Variants in PTPRN2 observed in about 807,000 individuals in gnomAD.
PTPRN2 encodes receptor-type tyrosine-protein phosphatase N2.
In PTPRN2, 74 loss-of-function variants were observed where a neutral mutation model predicts 118.8. The ratio of observed to expected loss-of-function variants is 0.62; its 90% confidence interval spans 0.52 to 0.76. The LOEUF is 0.76. Among genes scored for constraint, PTPRN2 ranks in the 30% least tolerant of loss-of-function variants. The pLI, the probability that PTPRN2 is intolerant of heterozygous loss-of-function variation, is 0.00. For missense variants in PTPRN2, 1,481 were observed against 1,394.4 expected (o/e 1.06, Z -0.99); for synonymous variants, 641 against 608.0 (o/e 1.05, Z -0.80).
intron 3 of PTPRN2, among the ~76,000 whole-genome samples, chr7:158,301,165 G>C (rs985373597): frequency 6.6e-5 from 10 of 152,160 alleles, no homozygotes; most frequent in Non-Finnish European, 2.9e-5. Context: ...ACTATAACTA[G>C]TTCCTTTAGG....
chr7:158,029,029 C>G (rs1251964834), intron 11 of PTPRN2: 2 of 152,304 alleles, frequency 1.3e-5, no homozygotes, highest in African/African-American at 4.8e-5. Context: ...CTATTTTGCT[C>G]CAGTCACCTG....
intron 22 of PTPRN2, among the ~76,000 whole-genome samples, chr7:157,546,883 G>T (rs767742976): frequency 3.9e-5 from 6 of 152,216 alleles, no homozygotes; most frequent in Admixed American, 3.9e-4. Flanking sequence ...TTGTTCTGGC[G>T]AACAGGATAC....
Position 157,729,823 on chromosome 7 carries a change from G to T in PTPRN2, c.1789-46886C>A, listed in dbSNP as rs1039483586. On this transcript the variant is annotated intron_variant, in intron 12 of 22. Coordinates refer to ENST00000389418, the MANE Select transcript of PTPRN2 (RefSeq NM_002847.5). This position sits in a 1 kb window ranked among gnomAD's most constrained non-coding sequence, Gnocchi z 4.3. ...ACCTGCTGGCCACGTGGAGGACGGGGAGCGGCAGGCGGATGAGGGAAGGAC... is the reference window on the plus strand; with the variant it reads ...ACCTGCTGGCCACGTGGAGGACGGGTAGCGGCAGGCGGATGAGGGAAGGAC... Among the ~76,000 whole-genome samples, 1 of 152,204 alleles carries T rather than the reference G, an allele frequency of 6.6e-6. No individual in the cohort carries two copies. Among genetic ancestry groups the T allele is most frequent in the African/African-American group, 2.4e-5 (1 of 41,446 alleles).
intron 21 of PTPRN2, among the ~76,000 whole-genome samples, chr7:157,558,100 T>TTTTGTTTTTTTTTTTTTTTTTTTTTGAG (rs1554491534): frequency 6.7e-6 from 1 of 149,838 alleles, no homozygotes; most frequent in African/African-American, 2.5e-5. Context: ...GGGGGATTGT[T>TTTTGTTTTTTTTTTTTTTTTTTTTTGAG]AAAAGGGAAA....
At chr7:158,387,971 C>T (rs1421905243) in intron 2 of PTPRN2, among the ~76,000 whole-genome samples, 3 of 152,174 alleles carry the variant, frequency 2.0e-5, no homozygotes, top group African/African-American at 7.2e-5. Flanking sequence ...TATTTACACA[C>T]ACATATATCT....
chr7:157,795,977 G>A (rs375016491), intron 12 of PTPRN2, among the ~76,000 whole-genome samples: 65 of 152,232 alleles, frequency 4.3e-4, no homozygotes, highest in African/African-American at 1.6e-3. Context: ...GCGCCGAGGC[G>A]AACTTGGGAG....
intron 12 of PTPRN2, among the ~76,000 whole-genome samples, chr7:157,798,030 G>C (rs1261554986): frequency 6.6e-6 from 1 of 152,124 alleles, no homozygotes; most frequent in Non-Finnish European, 1.5e-5. Flanking sequence ...AGGCTGAGGC[G>C]GGTGGATCAC....
intron 1 of PTPRN2, among the ~76,000 whole-genome samples, chr7:158,587,272 TGAGGCGTCCCTCCCCCAGAACCTCTCA>T (rs535583860): frequency 0.19 from 15,051 of 80,006 alleles, 1,470 homozygotes; most frequent in East Asian, 0.38. Flanking sequence ...TCTCATTCAT[TGAGGCGTCCCTCCCCCAGAACCTCTCA>T]GAGGCGCCCC....
intron 1 of PTPRN2, among the ~76,000 whole-genome samples, chr7:158,522,796 T>C (rs1271268907): frequency 6.6e-6 from 1 of 152,164 alleles, no homozygotes; most frequent in East Asian, 1.9e-4. Flanking sequence ...GCTTTCCTTG[T>C]CTTGAGAGCA....
At chr7:158,387,736 G>C (rs559652798) in intron 2 of PTPRN2, among the ~76,000 whole-genome samples, 2 of 152,296 alleles carry the variant, frequency 1.3e-5, no homozygotes, top group South Asian at 2.1e-4. Flanking sequence ...CCAGGGCGAA[G>C]TTTCCTGAAG....
At chr7:158,083,940 G>GGCTCTTCGCTAAAACCCATAGTGGCT (rs71189765) in intron 10 of PTPRN2, among the ~76,000 whole-genome samples, 3 of 151,696 alleles carry the variant, frequency 2.0e-5, no homozygotes, top group Non-Finnish European at 4.4e-5. Context: ...AATATGTGCA[G>GGCTCTTCGCTAAAACCCATAGTGGCT]GCTCTGACGT....
At chr7:157,842,410 C>CATTTT (rs1808491584) in intron 12 of PTPRN2, among the ~76,000 whole-genome samples, 1 of 93,236 alleles carries the variant, frequency 1.1e-5, no homozygotes, top group African/African-American at 3.9e-5. Context: ...ATTCAGGAGA[C>CATTTT]TTTTTTTTTT....
At chr7:158,273,232 C>T (rs867555707) in intron 3 of PTPRN2, among the ~76,000 whole-genome samples, 4 of 152,194 alleles carry the variant, frequency 2.6e-5, no homozygotes, top group African/African-American at 7.2e-5. Context: ...CAGGGCCCTG[C>T]GTGTGCTGTT....
In PTPRN2 at chr7:158,192,439, G is replaced by A. The variant is rs764112299; in HGVS notation, c.437C>T (p.Ala146Val). ...GTGGCGTCGGAGGGCGTTGGCCAGG[G>A]CAGCACCGCCCTCCCGACTGTACCT... ...ERRYSREGGA[A>V]LANALRRHLP... The change falls in exon 5 of 23, where the codon GCC becomes GTC. Residue 146 changes from alanine to valine, a missense_variant. This residue lies in a region of PTPRN2 where 1,115 missense variants were observed against 994.2 expected (regional missense o/e 1.12). Transcript: ENST00000389418. The A allele has an allele frequency of 3.2e-6, 5 of 1,561,908 alleles. No homozygotes were observed. The highest frequency in any genetic ancestry group is 4.3e-6 in the Non-Finnish European group (5 of 1,161,748).
chr7:158,110,786 A>G (rs3800861), intron 10 of PTPRN2, 43 bp downstream of exon 10: 1,022,921 of 1,523,108 alleles, frequency 0.67, 345,393 homozygotes, highest in Admixed American at 0.73. Context: ...CTCTGCGACC[A>G]AGCAACAGGA....
intron 1 of PTPRN2, among the ~76,000 whole-genome samples, chr7:158,524,532 C>T (rs1824622948): frequency 6.7e-6 from 1 of 149,654 alleles, no homozygotes; most frequent in Non-Finnish European, 1.5e-5. Flanking sequence ...GGAGTCTGCC[C>T]TGGAGTGGAG....
intron 6 of PTPRN2, among the ~76,000 whole-genome samples, chr7:158,146,003 TTATAAC>T (rs1563506896): frequency 6.6e-6 from 1 of 152,194 alleles, no homozygotes; most frequent in Non-Finnish European, 1.5e-5. Flanking sequence ...GCTTAATAAA[TTATAAC>T]TATTATCATG....
chr7:157,551,867 T>TGGGCACCACGCACCCCAC (rs1798645020), intron 21 of PTPRN2, among the ~76,000 whole-genome samples: 5 of 20,802 alleles, frequency 2.4e-4, no homozygotes, highest in Admixed American at 1.5e-3. Context: ...ACGCACCCCA[T>TGGGCACCACGCACCCCAC]GGGCACCACG....
chr7:158,182,174 A>C (rs1462253157), intron 5 of PTPRN2, among the ~76,000 whole-genome samples: 2 of 152,244 alleles, frequency 1.3e-5, no homozygotes, highest in African/African-American at 4.8e-5. Context: ...TTAACCCAAA[A>C]ATCATTGAGG....
Sources: allele counts gnomAD v4.1 joint callset (sites outside exome capture counted in the v4.1 genomes callset), GRCh38; gene constraint gnomAD v4.1.1; regional missense constraint gnomAD v4.1.1; non-coding constraint Gnocchi (gnomAD v3.1); transcripts MANE v1.5; gene names NCBI Gene and HGNC (gene_info 2026-07-23, HGNC 2026-07-21).